Variants in KLF12 observed in about 807,000 individuals in gnomAD.
KLF12 encodes the protein KLF transcription factor 12, also known as Krueppel-like factor 12.
A neutral mutation model predicts 37.8 loss-of-function variants in KLF12; 9 were observed. That is an observed-to-expected ratio of 0.24 (90% CI 0.14 to 0.42). The LOEUF (loss-of-function observed/expected upper bound fraction) is 0.42. KLF12 is among the 10% of genes least tolerant of loss of function. The pLI is 1.00. For synonymous variants in KLF12, 208 were observed against 202.1 expected, an observed-to-expected ratio of 1.03 and a Z score of -0.25; for missense variants, 411 against 516.0, an observed-to-expected ratio of 0.80 and a Z score of 1.97.
chr13:73,954,730 A>T (rs1409227621), intron 2 of KLF12, among the ~76,000 whole-genome samples: 1 of 152,186 alleles, frequency 6.6e-6, no homozygotes, highest in Admixed American at 6.5e-5. Context: ...CATACACTTG[A>T]CCCAATATAT....
the KLF12 span, among the ~76,000 whole-genome samples, chr13:74,235,960 T>C: frequency 6.6e-6 from 1 of 151,526 alleles, no homozygotes; most frequent in East Asian, 1.9e-4. Flanking sequence ...TTTTTTTTAT[T>C]ATACTTTAAG....
chr13:74,063,953 T>G (rs527526846), intron 1 of KLF12, among the ~76,000 whole-genome samples: 32 of 152,332 alleles, frequency 2.1e-4, no homozygotes, highest in African/African-American at 7.7e-4. Flanking sequence ...TTCAGTGCCC[T>G]GTGGACACAA....
At chr13:74,129,530 C>T (rs1878145657) in intron 1 of KLF12, among the ~76,000 whole-genome samples, 1 of 152,082 alleles carries the variant, frequency 6.6e-6, no homozygotes, top group Non-Finnish European at 1.5e-5. Context: ...TAATTTATTC[C>T]ACTCTCACCT....
intron 2 of KLF12, 45 bp from the exon 3 acceptor site, chr13:73,944,115 A>C (rs1225511031): frequency 8.3e-7 from 1 of 1,198,154 alleles, no homozygotes; most frequent in African/African-American, 1.5e-5. Context: ...TAAAGCATTC[A>C]AAAGAGGACC....
chr13:73,984,237 G>C (rs1055799847), intron 2 of KLF12, among the ~76,000 whole-genome samples: 1 of 152,144 alleles, frequency 6.6e-6, no homozygotes, highest in African/African-American at 2.4e-5. Flanking sequence ...CATCATTTTT[G>C]GGTTATAAGA....
chr13:73,992,024 A>G (rs1441001856), intron 2 of KLF12, among the ~76,000 whole-genome samples: 1 of 152,200 alleles, frequency 6.6e-6, no homozygotes, highest in East Asian at 1.9e-4. Flanking sequence ...TGCTAATGCT[A>G]GGTGGTTAGG....
intron 5 of KLF12, among the ~76,000 whole-genome samples, chr13:73,793,389 T>C (rs1474903162): frequency 1.3e-5 from 2 of 152,202 alleles, no homozygotes; most frequent in Non-Finnish European, 2.9e-5. Flanking sequence ...AAATTAAAAT[T>C]CATTAAAATG....
rs190984132 is a variant in KLF12 at position 74,061,900 on chromosome 13, T to G, written c.-31-66847A>C. The stretch of plus-strand genomic sequence containing the variant: ...AAGTTGTGCCTTTCTAACCATAAAT[T>G]TTAAGAAGTAAACAAAAGAATATAT... On this transcript the variant is annotated intron_variant, in intron 1 of 7. Transcript: ENST00000377669. Among the ~76,000 whole-genome samples the G allele has an allele frequency of 6.6e-4, 101 of 152,274 alleles. No homozygotes were observed. In the East Asian group the frequency reaches 0.018, roughly 27 times the overall value.
chr13:73,758,481 G>A (rs1879333547), intron 6 of KLF12, among the ~76,000 whole-genome samples: 1 of 152,110 alleles, frequency 6.6e-6, no homozygotes, highest in African/African-American at 2.4e-5. Context: ...TAGTATGACG[G>A]AGATGTTTTA....
chr13:74,067,400 T>A (rs1284566221), intron 1 of KLF12, among the ~76,000 whole-genome samples: 1 of 152,218 alleles, frequency 6.6e-6, no homozygotes, highest in Non-Finnish European at 1.5e-5. Flanking sequence ...ACCTAATTAT[T>A]ACATTAGATA....
chr13:73,807,342 A>G, intron 5 of KLF12, among the ~76,000 whole-genome samples: 1 of 152,044 alleles, frequency 6.6e-6, no homozygotes, highest in East Asian at 1.9e-4. Flanking sequence ...TCAAAATAGC[A>G]ATAAGAGAAG....
At chr13:74,053,472 T>A (rs1186273160) in intron 1 of KLF12, among the ~76,000 whole-genome samples, 20 of 152,154 alleles carry the variant, frequency 1.3e-4, no homozygotes. Context: ...CTTAACAACC[T>A]AATGAGCTAG....
At position 73,816,307 on chromosome 13, in the gene KLF12, C is replaced by A. The variant is rs1387043963; in HGVS notation, c.671-3020G>T. Reference sequence around the variant, plus strand: ...AGACCAAAGAAAGTTATCTGGACACCAGAAACAAAAAAATATCAGCCTCTG... The same window carrying A: ...AGACCAAAGAAAGTTATCTGGACACAAGAAACAAAAAAATATCAGCCTCTG... On this transcript the variant is annotated intron_variant, in intron 4 of 7. Transcript: ENST00000377669. 6.3e-4 allele frequency among the ~76,000 whole-genome samples: 96 copies of A among 152,084 alleles called. 1 individual carries two copies. Among genetic ancestry groups the A allele is most frequent in the Non-Finnish European group, 4.4e-5 (3 of 67,970 alleles).
the KLF12 span, among the ~76,000 whole-genome samples, chr13:74,172,416 G>C: frequency 6.6e-6 from 1 of 152,122 alleles, no homozygotes; most frequent in South Asian, 2.1e-4. Context: ...GAAGTTTGGA[G>C]ACTCTTATCA....
chr13:74,023,482 G>A (rs991090402), intron 1 of KLF12, among the ~76,000 whole-genome samples: 1 of 152,168 alleles, frequency 6.6e-6, no homozygotes, highest in Non-Finnish European at 1.5e-5. Flanking sequence ...GTTGTTGGTA[G>A]GGCCACGTTC....
At chr13:73,844,092 ATCTT>A (rs1485111399) in intron 4 of KLF12, among the ~76,000 whole-genome samples, 1 of 152,122 alleles carries the variant, frequency 6.6e-6, no homozygotes, top group Non-Finnish European at 1.5e-5. Flanking sequence ...CAACATTAAT[ATCTT>A]TATTAATTAA....
At chr13:73,934,337 ACTTC>A (rs1485845429) in intron 3 of KLF12, among the ~76,000 whole-genome samples, 2 of 152,144 alleles carry the variant, frequency 1.3e-5, no homozygotes, top group Non-Finnish European at 2.9e-5. Context: ...CTCTACCTAT[ACTTC>A]CTTCCATAAC....
intron 5 of KLF12, among the ~76,000 whole-genome samples, chr13:73,787,839 C>T (rs903836527): frequency 1.3e-5 from 2 of 152,026 alleles, no homozygotes; most frequent in African/African-American, 4.8e-5. Flanking sequence ...TTTTGTATTA[C>T]AAGAGCCATC....
chr13:74,135,798 G>C (rs963770810), upstream of KLF12, among the ~76,000 whole-genome samples: 3 of 152,212 alleles, frequency 2.0e-5, no homozygotes, highest in African/African-American at 7.2e-5. Flanking sequence ...TTGCTGTACT[G>C]TGGCGTGGAG....
Sources: gnomAD v4.1 joint callset for allele counts (sites outside exome capture counted in the v4.1 genomes callset) on GRCh38, gnomAD v4.1.1 for gene constraint, MANE v1.5 for transcripts, NCBI Gene and HGNC (gene_info 2026-07-23, HGNC 2026-07-21) for gene names.